XG: variants seen among roughly 807,000 people sequenced by gnomAD.
XG encodes glycoprotein Xg.
In XG, 24 loss-of-function variants were observed where a neutral mutation model predicts 25.7. The ratio of observed to expected loss-of-function variants is 0.93; its 90% CI spans 0.68 to 1.31. XG has a LOEUF of 1.31. Among genes scored for constraint, XG ranks in the 40% most tolerant of loss-of-function variants. The probability of loss-of-function intolerance (pLI) is 0.00; values close to 1 mark genes in which losing one functional copy is unlikely to be tolerated. For synonymous variants in XG, 77 were observed against 69.2 expected (o/e 1.11, Z -0.56); for missense variants, 181 against 187.6 (o/e 0.96, Z 0.21).
At chrX:2,766,079 A>G (rs2050678333) in intron 1 of XG, among the ~76,000 whole-genome samples, 1 of 152,210 alleles carries the variant, frequency 6.6e-6, no homozygotes, top group South Asian at 2.1e-4. Flanking sequence ...GCCTGATCCA[A>G]TGCTAATGGC....
At position 2,770,547 on chromosome X, in the gene XG, T is replaced by C. The variant is rs747952484; in HGVS notation, c.62-3T>C. 40 of 1,613,778 alleles carry C rather than the reference T, an allele frequency of 2.5e-5. No homozygotes were observed. Among genetic ancestry groups the C allele is most frequent in the Admixed American group, 5.0e-5 (3 of 59,990 alleles). On this transcript the variant is annotated splice_polypyrimidine_tract_variant and splice_region_variant and intron_variant, in intron 1 of 10. Transcript: ENST00000644266. The stretch of plus-strand genomic sequence containing the variant: ...TGACTTATGCCCTGTTTGCTCCCAA[T>C]AGGTCAAAGAGACTTTGATTTGGCA...
intron 8 of XG, among the ~76,000 whole-genome samples, chrX:2,807,348 G>A (rs758829353): frequency 2.0e-4 from 23 of 113,303 alleles, no homozygotes; most frequent in South Asian, 7.2e-4. Context: ...GGGTGTGCTC[G>A]TGTGGTATGT....
chrX:2,796,417 T>C (rs1316011701), intron 6 of XG, among the ~76,000 whole-genome samples: 1 of 110,112 alleles, frequency 9.1e-6, no homozygotes, highest in Non-Finnish European at 1.9e-5. Flanking sequence ...TACTGTTTTA[T>C]ATATGTGTAT....
At chrX:2,780,409 C>CTT (rs761736293) in intron 3 of XG, among the ~76,000 whole-genome samples, 93 of 122,524 alleles carry the variant, frequency 7.6e-4, no homozygotes, top group East Asian at 3.1e-3. Flanking sequence ...AACAATTGGG[C>CTT]TTTTTTTTTT....
intron 1 of XG, among the ~76,000 whole-genome samples, chrX:2,762,414 C>T (rs113218725): frequency 0.017 from 2,590 of 151,978 alleles, 77 homozygotes; most frequent in African/African-American, 0.06. Context: ...ATGCTGAGAC[C>T]GTGGAGGGTT....
chrX:2,800,499 C>T lies in XG; in HGVS notation c.373+3139C>T, dbSNP rs755686856. Among the ~76,000 whole-genome samples the T allele has an allele frequency of 6.2e-5, 7 of 112,218 alleles. No individual in the cohort carries two copies. In the South Asian group the frequency reaches 2.6e-3, roughly 42 times the overall value. ...ATTTTGATGTCCGTCATCTTCGTTA[C>T]CTCGGAAGCGAGTGTTGTCATCAGA... is the stretch of plus-strand genomic sequence containing the variant. On this transcript the variant is annotated intron_variant, in intron 7 of 10. Transcript: ENST00000644266.
intron 5 of XG, among the ~76,000 whole-genome samples, chrX:2,792,752 C>T (rs1273002888): frequency 9.1e-6 from 1 of 109,758 alleles, no homozygotes; most frequent in Non-Finnish European, 1.9e-5. Flanking sequence ...TCCCCAGAGC[C>T]TCTGTGCATG....
At position 2,762,306 on chromosome X, in the gene XG, C is replaced by G. The variant is rs1486340321; in HGVS notation, c.62-8244C>G. ...TGAATTCTCATTACCAATGTCTGCT[C>G]TAATAGAGCTTCAATCTGCAACTGC... On this transcript the variant is annotated intron_variant, in intron 1 of 10. Coordinates refer to ENST00000644266, the MANE Select transcript of XG (RefSeq NM_001141919.2). 4.3e-4 allele frequency among the ~76,000 whole-genome samples: 66 copies of G among 151,894 alleles called. 1 individual carries two copies. The highest frequency in any genetic ancestry group is 1.5e-3 in the African/African-American group (61 of 41,206).
chrX:2,766,597 C>G (rs2050698650), intron 1 of XG, among the ~76,000 whole-genome samples: 1 of 130,324 alleles, frequency 7.7e-6, no homozygotes, highest in African/African-American at 2.9e-5. Flanking sequence ...CAGATTCTTG[C>G]TCTGTCACCC....
rs1216437672 is a variant in XG at position 2,814,489 on chromosome X, A to G, written c.*109A>G. The G allele has an allele frequency of 1.0e-6, 1 of 996,473 alleles. No homozygotes were observed. The highest frequency in any genetic ancestry group is 1.4e-6 in the Non-Finnish European group (1 of 734,400). The allele number at this position is 996,473 out of a possible 1,213,427, so 82.1% of individuals were successfully genotyped here. On this transcript the variant is annotated 3_prime_UTR_variant, in exon 11 of 11. Transcript: ENST00000644266. ...TTCTTGACACAATTTGATGACCTAA[A>G]GTGTGTTTTCTTCTGTGTAAAGTAC... is the stretch of plus-strand genomic sequence containing the variant.
intron 1 of XG, among the ~76,000 whole-genome samples, chrX:2,754,948 C>T (rs1245071851): frequency 3.9e-5 from 6 of 152,198 alleles, no homozygotes; most frequent in Non-Finnish European, 8.8e-5. Flanking sequence ...TCAGTATTAA[C>T]CGTCACAGAT....
At chrX:2,779,559 C>T (rs970495983) in intron 3 of XG, among the ~76,000 whole-genome samples, 9 of 152,060 alleles carry the variant, frequency 5.9e-5, no homozygotes, top group Non-Finnish European at 8.8e-5. Context: ...CGCCTTCTTC[C>T]CCGCAGACAC....
At chrX:2,764,566 C>T (rs184706893) in intron 1 of XG, among the ~76,000 whole-genome samples, 2 of 152,104 alleles carry the variant, frequency 1.3e-5, no homozygotes, top group African/African-American at 4.8e-5. Context: ...TTGTCCTTCT[C>T]GGGGTCCCTG....
At position 2,814,418 on chromosome X, in the gene XG, C is replaced by T. The variant is rs1309671805; in HGVS notation, c.*38C>T. On this transcript the variant is annotated 3_prime_UTR_variant, in exon 11 of 11. Coordinates refer to ENST00000644266, the MANE Select transcript of XG (RefSeq NM_001141919.2). ...CCCCTGATTACTTTGAGAAAAACAA[C>T]TAAAACAAGAACCGTGTTTATCACT... The T allele has an allele frequency of 3.4e-6, 4 of 1,190,356 alleles. No individual in the cohort carries two copies. The highest frequency in any genetic ancestry group is 4.5e-6 in the Non-Finnish European group (4 of 883,026).
At chrX:2,756,447 G>T in intron 1 of XG, among the ~76,000 whole-genome samples, 1 of 152,300 alleles carries the variant, frequency 6.6e-6, no homozygotes, top group Non-Finnish European at 1.5e-5. Flanking sequence ...AGAAGAGTCG[G>T]AATGGTTCTA....
intron 1 of XG, among the ~76,000 whole-genome samples, chrX:2,769,006 G>A (rs922080227): frequency 6.6e-6 from 1 of 152,166 alleles, no homozygotes; most frequent in Non-Finnish European, 1.5e-5. Flanking sequence ...GGCAGCTGCT[G>A]TGTGCACCCT....
chrX:2,798,214 C>G (rs903530978), intron 7 of XG, among the ~76,000 whole-genome samples: 1 of 111,193 alleles, frequency 9.0e-6, no homozygotes, highest in African/African-American at 3.3e-5. Context: ...AGATCCTCTC[C>G]GGTTTGGAAA....
At position 2,765,792 on chromosome X, in the gene XG, A is replaced by G. The variant is rs927842549; in HGVS notation, c.62-4758A>G. 3.4e-5 allele frequency among the ~76,000 whole-genome samples: 5 copies of G among 148,512 alleles called. No homozygotes were observed. The East Asian group carries it at 7.7e-4, about 23-fold the overall frequency. On this transcript the variant is annotated intron_variant, in intron 1 of 10. Transcript: ENST00000644266. ...ATATTCAGTGGGCAGTGGCCTCGAC[A>G]TTGCATTATTATTCGAGCAATGGTA...
chrX:2,810,520 T>C lies in XG; in HGVS notation c.455-816T>C, dbSNP rs143867979. 6.5e-3 allele frequency among the ~76,000 whole-genome samples: 727 copies of C among 111,456 alleles called. 22 individuals carry two copies. In the East Asian group the frequency reaches 0.12, roughly 19 times the overall value. On this transcript the variant is annotated intron_variant, in intron 9 of 10. Coordinates refer to ENST00000644266, the MANE Select transcript of XG (RefSeq NM_001141919.2). ...AAAAAGGCACAAAATAGTTTTGACA[T>C]GTGCCTGTCATCCCAACTACTCAGG...
Sources: allele counts gnomAD v4.1 joint callset (sites outside exome capture counted in the v4.1 genomes callset), GRCh38; gene constraint gnomAD v4.1.1; transcripts MANE v1.5; gene names NCBI Gene and HGNC (gene_info 2026-07-23, HGNC 2026-07-21).